Variants in NTNG1 observed in about 807,000 individuals in gnomAD.
NTNG1 encodes netrin-G1.
In NTNG1, 16 loss-of-function variants were observed where a neutral mutation model predicts 54.0. The observed-to-expected ratio is 0.30, with a 90% CI of 0.20 to 0.45. NTNG1 has a LOEUF of 0.45. NTNG1 is among the 20% of genes least tolerant of loss of function. The pLI is 1.00. For synonymous variants in NTNG1, 255 were observed against 263.1 expected (o/e 0.97, Z 0.30); for missense variants, 530 against 678.7 (o/e 0.78, Z 2.43).
intron 3 of NTNG1, among the ~76,000 whole-genome samples, chr1:107,361,172 A>G (rs866597183): frequency 6.4e-4 from 93 of 144,604 alleles, no homozygotes; most frequent in African/African-American, 2.2e-3. Context: ...AAAATATAAT[A>G]TATATTATAT....
chr1:107,148,453 C>G lies in NTNG1; in HGVS notation c.-141C>G. On this transcript the variant is annotated 5_prime_UTR_variant, in exon 2 of 8. The change creates a new upstream start codon in the 5' untranslated region. Transcript: ENST00000370068. The stretch of plus-strand genomic sequence containing the variant: ...TTTGGGATCTGCTTTGAGGTCCCAT[C>G]TTCATTTAAAAAAAAATACAGAGAC... The G allele has an allele frequency of 1.3e-6, 1 of 753,820 alleles. No homozygotes were observed. Among genetic ancestry groups the G allele is most frequent in the Non-Finnish European group, 2.2e-6 (1 of 460,920 alleles). 46.7% of individuals were successfully genotyped at this position (753,820 alleles called of 1,614,324 possible).
intron 4 of NTNG1, among the ~76,000 whole-genome samples, chr1:107,401,006 C>T (rs1672996598): frequency 6.6e-6 from 1 of 152,160 alleles, no homozygotes; most frequent in Non-Finnish European, 1.5e-5. Context: ...CTGTAATGTG[C>T]ACGTGGCTAC....
chr1:107,400,928 G>C (rs1425577504), intron 4 of NTNG1, among the ~76,000 whole-genome samples: 2 of 152,218 alleles, frequency 1.3e-5, no homozygotes, highest in Non-Finnish European at 2.9e-5. Context: ...GGGATTACAG[G>C]TGTGAGCCAC....
At chr1:107,331,973 T>C (rs774610505) in intron 3 of NTNG1, among the ~76,000 whole-genome samples, 1 of 152,086 alleles carries the variant, frequency 6.6e-6, no homozygotes. Flanking sequence ...ATGAAAAGCA[T>C]GGTAATCATA....
chr1:107,442,687 T>C (rs1477350615), intron 7 of NTNG1, among the ~76,000 whole-genome samples: 1 of 152,168 alleles, frequency 6.6e-6, no homozygotes, highest in Non-Finnish European at 1.5e-5. Context: ...AAGGAGGTTA[T>C]AGTCCCACTA....
intron 2 of NTNG1, among the ~76,000 whole-genome samples, chr1:107,275,120 T>G (rs1379981163): frequency 1.3e-5 from 2 of 152,310 alleles, no homozygotes; most frequent in East Asian, 1.9e-4. Context: ...CTCACACCAG[T>G]AATCCCAGCA....
chr1:107,297,588 T>A (rs957896443), intron 2 of NTNG1, among the ~76,000 whole-genome samples: 4 of 152,116 alleles, frequency 2.6e-5, no homozygotes, highest in Non-Finnish European at 5.9e-5. Flanking sequence ...TCTTATGTGC[T>A]CTATGATTTA....
chr1:107,388,410 G>A (rs1032149475), intron 3 of NTNG1, among the ~76,000 whole-genome samples: 6 of 152,206 alleles, frequency 3.9e-5, no homozygotes, highest in African/African-American at 1.4e-4. Context: ...GCAGTTGTAA[G>A]AGCAAAGTTC....
chr1:107,480,163 C>T (rs1470899428), intron 7 of NTNG1, among the ~76,000 whole-genome samples: 4 of 151,964 alleles, frequency 2.6e-5, no homozygotes, highest in South Asian at 4.2e-4. Context: ...TGGCCCACCC[C>T]TTAGAGGTTT....
upstream of NTNG1, chr1:107,140,828 T>A (rs1653604101): frequency 6.6e-6 from 1 of 151,154 alleles, no homozygotes; most frequent in Admixed American, 6.6e-5. Flanking sequence ...AGTAAAAGTT[T>A]AAGGCGAGAA....
intron 2 of NTNG1, among the ~76,000 whole-genome samples, chr1:107,206,684 G>T (rs1379540133): frequency 6.6e-6 from 1 of 152,070 alleles, no homozygotes; most frequent in Non-Finnish European, 1.5e-5. Flanking sequence ...AATCAAATAT[G>T]TAAGTTTTAG....
chr1:107,443,410 G>A (rs200961668), intron 7 of NTNG1, among the ~76,000 whole-genome samples: 1 of 24,762 alleles, frequency 4.0e-5, no homozygotes, highest in African/African-American at 1.0e-4. Context: ...TTTTCTTTTT[G>A]GAGGGGATAG....
chr1:107,179,419 C>G (rs1414675576), intron 2 of NTNG1, among the ~76,000 whole-genome samples: 2 of 152,100 alleles, frequency 1.3e-5, no homozygotes, highest in South Asian at 4.2e-4. Context: ...TTTAAAACAC[C>G]TGTGTCATTG....
chr1:107,448,683 T>C (rs1018933559), intron 7 of NTNG1, among the ~76,000 whole-genome samples: 2 of 152,064 alleles, frequency 1.3e-5, no homozygotes, highest in Non-Finnish European at 2.9e-5. Context: ...TATAAAATAA[T>C]GGTGGCTGGG....
chr1:107,339,891 C>T (rs1361774173), intron 3 of NTNG1, among the ~76,000 whole-genome samples: 1 of 152,050 alleles, frequency 6.6e-6, no homozygotes, highest in Non-Finnish European at 1.5e-5. Context: ...CAGTCCCTGT[C>T]CTCAAGTTGC....
chr1:107,455,424 G>GC (rs1306696311), intron 7 of NTNG1, among the ~76,000 whole-genome samples: 2 of 152,254 alleles, frequency 1.3e-5, no homozygotes, highest in Non-Finnish European at 2.9e-5. Flanking sequence ...GTAGCCTAAT[G>GC]TGGTGCTCAG....
chr1:107,322,105 T>C (rs987363122), intron 2 of NTNG1, among the ~76,000 whole-genome samples: 2 of 152,190 alleles, frequency 1.3e-5, no homozygotes, highest in Non-Finnish European at 2.9e-5. Context: ...TCTTCAACCA[T>C]ATTTTTTAAA....
intron 2 of NTNG1, among the ~76,000 whole-genome samples, chr1:107,303,674 GTTTC>G (rs2101811224): frequency 6.6e-6 from 1 of 150,460 alleles, no homozygotes; most frequent in Admixed American, 6.6e-5. Flanking sequence ...TCTAATGAGT[GTTTC>G]TTTTTTTGTT....
At chr1:107,289,120 T>G (rs2101755646) in intron 2 of NTNG1, among the ~76,000 whole-genome samples, 1 of 152,302 alleles carries the variant, frequency 6.6e-6, no homozygotes, top group African/African-American at 2.4e-5. Context: ...AAGTGCTGAT[T>G]CTTTCAACTT....
Sources: allele counts gnomAD v4.1 joint callset (sites outside exome capture counted in the v4.1 genomes callset), GRCh38; gene constraint gnomAD v4.1.1; transcripts MANE v1.5; gene names NCBI Gene and HGNC (gene_info 2026-07-23, HGNC 2026-07-21).